GALNT11: variants seen among roughly 807,000 people sequenced by gnomAD.
GALNT11 encodes the protein polypeptide N-acetylgalactosaminyltransferase 11.
In GALNT11, 47 loss-of-function variants were observed where a neutral mutation model predicts 72.7. That is an observed-to-expected ratio of 0.65 (90% CI 0.51 to 0.82). GALNT11 has a LOEUF of 0.82. Among genes scored for constraint, GALNT11 ranks in the 40% least tolerant of loss-of-function variants. The probability of loss-of-function intolerance (pLI) is 0.00; values close to 1 mark genes in which losing one functional copy is unlikely to be tolerated. For synonymous variants in GALNT11, 270 were observed against 286.6 expected, an observed-to-expected ratio of 0.94 and a Z score of 0.58; for missense variants, 677 against 778.4, an observed-to-expected ratio of 0.87 and a Z score of 1.55.
intron 1 of GALNT11, among the ~76,000 whole-genome samples, chr7:152,057,275 A>G (rs1400836413): frequency 6.6e-6 from 1 of 151,550 alleles, no homozygotes; most frequent in African/African-American, 2.4e-5. Flanking sequence ...CTTCTTGGTT[A>G]ATTGAAGCAA....
At chr7:152,107,246 TAAAA>T (rs10719346) in intron 5 of GALNT11, 10 of 138,920 alleles carry the variant, frequency 7.2e-5, no homozygotes, top group Non-Finnish European at 1.1e-4. Context: ...TTTGAAATTA[TAAAA>T]AAAAAAAAAA....
intron 1 of GALNT11, among the ~76,000 whole-genome samples, chr7:152,078,686 G>A (rs1020824929): frequency 6.6e-6 from 1 of 152,096 alleles, no homozygotes; most frequent in Non-Finnish European, 1.5e-5. Flanking sequence ...AATTTTAGCA[G>A]TGGTTTTCAG....
At chr7:152,036,871 A>G (rs1304216360) in intron 1 of GALNT11, among the ~76,000 whole-genome samples, 1 of 151,992 alleles carries the variant, frequency 6.6e-6, no homozygotes, top group African/African-American at 2.4e-5. Context: ...CCTGTTTGCT[A>G]TTTGTATGTC....
chr7:152,030,453 T>C (rs2082255502), intron 1 of GALNT11, among the ~76,000 whole-genome samples: 1 of 152,220 alleles, frequency 6.6e-6, no homozygotes, highest in Non-Finnish European at 1.5e-5. Flanking sequence ...GAGTAATTGC[T>C]ACAAACTAAT....
intron 1 of GALNT11, among the ~76,000 whole-genome samples, chr7:152,040,348 G>A (rs527624903): frequency 9.9e-5 from 15 of 152,098 alleles, no homozygotes; most frequent in Admixed American, 5.2e-4. Flanking sequence ...TCCAGTTCTC[G>A]AGAATTAGCT....
At chr7:152,062,737 T>C (rs1240217136) in intron 1 of GALNT11, among the ~76,000 whole-genome samples, 8 of 152,226 alleles carry the variant, frequency 5.3e-5, no homozygotes, top group Admixed American at 5.2e-4. Flanking sequence ...GTGGTTTTTG[T>C]CTTTGTTCCG....
intron 2 of GALNT11, among the ~76,000 whole-genome samples, chr7:152,100,564 C>CAA (rs377364453): frequency 2.9e-5 from 3 of 103,858 alleles, no homozygotes; most frequent in South Asian, 3.0e-4. Context: ...AACTCCATCT[C>CAA]AAAAAAAAAA....
rs1458869248 is a variant in GALNT11, at chr7:152,076,027, A to G, written c.-38-18163A>G. On this transcript the variant is annotated intron_variant, in intron 1 of 11. Coordinates refer to ENST00000430044, the MANE Select transcript of GALNT11 (RefSeq NM_022087.4). ...CAGTGAGCCGAGATCGTGCCACTGC[A>G]CTCCAGCCTGGGCGACAGAGCGAGA... Among the ~76,000 whole-genome samples, 155 of 125,566 alleles carry G rather than the reference A, an allele frequency of 1.2e-3. 2 individuals carry two copies. Among genetic ancestry groups the G allele is most frequent in the African/African-American group, 4.5e-3 (150 of 33,424 alleles). 82.4% of individuals were successfully genotyped at this position (125,566 alleles called of 152,430 possible). A position where few individuals can be genotyped will look rare whatever the true frequency, so the allele number is the denominator to read the frequency against.
At chr7:152,047,721 C>T (rs1482350661) in intron 1 of GALNT11, among the ~76,000 whole-genome samples, 1 of 150,452 alleles carries the variant, frequency 6.6e-6, no homozygotes, top group Non-Finnish European at 1.5e-5. Context: ...CGCACACACA[C>T]AAGTATGTAT....
At chr7:152,035,149 G>C (rs2082502147) in intron 1 of GALNT11, among the ~76,000 whole-genome samples, 1 of 152,176 alleles carries the variant, frequency 6.6e-6, no homozygotes, top group Non-Finnish European at 1.5e-5. Context: ...AATAGCTTTT[G>C]TTAGGCCTGC....
intron 1 of GALNT11, among the ~76,000 whole-genome samples, chr7:152,082,780 G>A (rs902219877): frequency 2.6e-5 from 4 of 152,204 alleles, no homozygotes; most frequent in African/African-American, 4.8e-5. Context: ...ATGTATGAAA[G>A]CTTCCCTACA....
intron 1 of GALNT11, among the ~76,000 whole-genome samples, chr7:152,056,537 A>C (rs1363994019): frequency 1.3e-5 from 2 of 152,092 alleles, no homozygotes; most frequent in African/African-American, 4.8e-5. Flanking sequence ...ATGTCTACAC[A>C]CCCTTCTACA....
chr7:152,067,513 T>C (rs2084378525), intron 1 of GALNT11, among the ~76,000 whole-genome samples: 1 of 152,212 alleles, frequency 6.6e-6, no homozygotes, highest in Non-Finnish European at 1.5e-5. Flanking sequence ...TTCAGATGAT[T>C]GTCACAGCTA....
At position 152,093,965 on chromosome 7, in the gene GALNT11, A is replaced by C. The variant is rs2086205906; in HGVS notation, c.-38-225A>C. The C allele has an allele frequency of 1.3e-5, 5 of 372,758 alleles. 1 individual carries two copies. In the South Asian group the frequency reaches 4.4e-4, roughly 33 times the overall value. 23.1% of individuals were successfully genotyped at this position (372,758 alleles called of 1,614,324 possible). ...ACATGGGCAAATGAATCAGTCAGCT[A>C]TTTCACTGCCGTTGGTTCTCTGAGC... is the stretch of plus-strand genomic sequence containing the variant. On this transcript the variant is annotated intron_variant, in intron 1 of 11. Coordinates refer to ENST00000430044, the MANE Select transcript of GALNT11 (RefSeq NM_022087.4).
intron 1 of GALNT11, among the ~76,000 whole-genome samples, chr7:152,027,073 T>C (rs7801607): frequency 0.15 from 22,333 of 151,850 alleles, 3,876 homozygotes; most frequent in African/African-American, 0.41. Flanking sequence ...CACGGTGAAA[T>C]CCCGTCTCTA....
At chr7:152,091,197 G>A (rs755612347) in intron 1 of GALNT11, among the ~76,000 whole-genome samples, 1 of 150,964 alleles carries the variant, frequency 6.6e-6, no homozygotes, top group Non-Finnish European at 1.5e-5. Context: ...ACAGGCGCCC[G>A]CCACCACACC....
intron 11 of GALNT11, 118 bp downstream of exon 11, chr7:152,121,086 G>C: frequency 8.0e-7 from 1 of 1,247,178 alleles, no homozygotes; most frequent in Non-Finnish European, 1.1e-6. Flanking sequence ...CTGCAGTACA[G>C]TGGTCCCCCC....
At chr7:152,055,257 C>T (rs1479144433) in intron 1 of GALNT11, among the ~76,000 whole-genome samples, 3 of 152,098 alleles carry the variant, frequency 2.0e-5, no homozygotes, top group Non-Finnish European at 4.4e-5. Flanking sequence ...TTTAGGAAAA[C>T]ACAATTCATC....
At chr7:152,061,220 G>A (rs1267234037) in intron 1 of GALNT11, among the ~76,000 whole-genome samples, 1 of 152,082 alleles carries the variant, frequency 6.6e-6, no homozygotes, top group Non-Finnish European at 1.5e-5. Context: ...TTCTCTGATG[G>A]CCAGTGATGA....
Sources: allele counts gnomAD v4.1 joint callset (sites outside exome capture counted in the v4.1 genomes callset), GRCh38; gene constraint gnomAD v4.1.1; transcripts MANE v1.5; gene names NCBI Gene and HGNC (gene_info 2026-07-23, HGNC 2026-07-21).